Variants in ATF1 observed in about 807,000 individuals in gnomAD.
The protein encoded by ATF1 is activating transcription factor 1, also known as cyclic AMP-dependent transcription factor ATF-1.
A neutral mutation model predicts 34.7 loss-of-function variants in ATF1; 16 were observed. The observed-to-expected ratio is 0.46, with a 90% CI of 0.31 to 0.70. ATF1 has a LOEUF of 0.70. Among genes scored for constraint, ATF1 ranks in the 30% least tolerant of loss-of-function variants. The pLI, the probability that ATF1 is intolerant of heterozygous loss-of-function variation, is 0.05. For missense variants in ATF1, 255 were observed against 321.6 expected (o/e 0.79, Z 1.58); for synonymous variants, 105 against 113.1 (o/e 0.93, Z 0.46).
chr12:50,770,495 C>T lies in ATF1; in HGVS notation c.-7+6188C>T, dbSNP rs574529493. ...AGTTATAGGTATTTAAGGGTACAAA[C>T]CCATGTCAGGGCTTGGCTTTTAAAA... On this transcript the variant is annotated intron_variant, in intron 1 of 6. Coordinates refer to ENST00000262053, the MANE Select transcript of ATF1 (RefSeq NM_005171.5). 3.3e-4 allele frequency among the ~76,000 whole-genome samples: 50 copies of T among 152,192 alleles called. 1 individual carries two copies. The highest frequency in any genetic ancestry group is 6.0e-4 in the Non-Finnish European group (41 of 68,026).
At chr12:50,811,929 T>C (rs537685136) in intron 4 of ATF1, among the ~76,000 whole-genome samples, 2 of 152,322 alleles carry the variant, frequency 1.3e-5, no homozygotes, top group African/African-American at 2.4e-5. Flanking sequence ...TAGGGCAACA[T>C]AGGCCAATAG....
At chr12:50,771,407 C>T (rs542784702) in intron 1 of ATF1, among the ~76,000 whole-genome samples, 126 of 152,218 alleles carry the variant, frequency 8.3e-4, no homozygotes, top group African/African-American at 2.9e-3. Flanking sequence ...CAGATACCAC[C>T]TTTTGTTGAA....
At chr12:50,772,751 C>CTT (rs753474688) in intron 1 of ATF1, among the ~76,000 whole-genome samples, 3 of 151,132 alleles carry the variant, frequency 2.0e-5, no homozygotes, top group Non-Finnish European at 4.4e-5. Flanking sequence ...TGCGCCTAGC[C>CTT]TTTTTTTTTC....
At chr12:50,807,308 G>A (rs113384300) in intron 3 of ATF1, among the ~76,000 whole-genome samples, 2,028 of 152,164 alleles carry the variant, frequency 0.013, 43 homozygotes, top group African/African-American at 0.046. Context: ...GGGAGGCTGA[G>A]GCAGGAGGAT....
intron 3 of ATF1, among the ~76,000 whole-genome samples, chr12:50,796,852 A>G (rs754395745): frequency 1.8e-4 from 28 of 152,220 alleles, no homozygotes; most frequent in Non-Finnish European, 2.9e-4. Context: ...GACCTTGGCA[A>G]TGATTTTTTG....
At chr12:50,809,385 AAAAAAAAAAATTATT>A in intron 3 of ATF1, 56 bp from the exon 4 acceptor site, 3 of 1,299,240 alleles carry the variant, frequency 2.3e-6, no homozygotes, top group Non-Finnish European at 3.1e-6. Flanking sequence ...AAAAAAAAAA[AAAAAAAAAAATTATT>A]TTTGTGAAGT....
chr12:50,818,743 G>C (rs1181035951), intron 6 of ATF1, among the ~76,000 whole-genome samples: 1 of 152,140 alleles, frequency 6.6e-6, no homozygotes, highest in East Asian at 1.9e-4. Flanking sequence ...CCAAGTAGCT[G>C]GGATTACAGG....
chr12:50,795,874 C>G, intron 2 of ATF1, 35 bp from the exon 3 acceptor site: 1 of 1,509,050 alleles, frequency 6.6e-7, no homozygotes, highest in Non-Finnish European at 9.2e-7. Flanking sequence ...TTCCCACCTG[C>G]ATTGTTCATC....
chr12:50,768,883 A>G (rs1424719620), intron 1 of ATF1, among the ~76,000 whole-genome samples: 1 of 152,190 alleles, frequency 6.6e-6, no homozygotes, highest in Non-Finnish European at 1.5e-5. Context: ...ACCCTACCTT[A>G]AAGCCATTAG....
At position 50,814,192 on chromosome 12, in the gene ATF1, A is replaced by T. The variant is rs762599221; in HGVS notation, c.511A>T (p.Thr171Ser). Residue 171 changes from threonine to serine, a missense_variant and splice_region_variant, in exon 5 of 7, where the codon ACT (threonine) becomes TCT (serine). Around this residue, in one of 2 missense-constraint regions of ATF1, gnomAD observed 221 missense variants for 250.7 expected, o/e 0.88. Transcript: ENST00000262053. ...LVPSNQVVVQ[T>S]ASGDMQTYQI... Reference sequence around the variant, plus strand: ...GCCCAGCAATCAGGTGGTCGTACAAAGTAAGTATGCTTTCTGTCTACAGAA... The same window carrying T: ...GCCCAGCAATCAGGTGGTCGTACAATGTAAGTATGCTTTCTGTCTACAGAA... 1.9e-6 allele frequency: 3 copies of T among 1,613,900 alleles called. No individual in the cohort carries two copies. The South Asian group carries it at 3.3e-5, about 18-fold the overall frequency.
At chr12:50,810,738 A>AAAT (rs1216596871) in intron 4 of ATF1, among the ~76,000 whole-genome samples, 8 of 152,028 alleles carry the variant, frequency 5.3e-5, no homozygotes, top group Admixed American at 5.2e-4. Context: ...TCTTGCCACA[A>AAAT]AATATATGTC....
chr12:50,818,264 T>G (rs1288127226), intron 6 of ATF1, among the ~76,000 whole-genome samples: 1 of 151,874 alleles, frequency 6.6e-6, no homozygotes, highest in African/African-American at 2.4e-5. Context: ...AAAAATAAAA[T>G]TAGCTGGTGT....
At chr12:50,792,237 A>C (rs897501398) in intron 2 of ATF1, among the ~76,000 whole-genome samples, 3 of 152,180 alleles carry the variant, frequency 2.0e-5, no homozygotes, top group Admixed American at 6.6e-5. Flanking sequence ...TTGTACTCTC[A>C]ATCCCTAGTT....
intron 4 of ATF1, among the ~76,000 whole-genome samples, chr12:50,812,437 T>A (rs1253966611): frequency 3.9e-5 from 6 of 152,224 alleles, no homozygotes; most frequent in Admixed American, 3.9e-4. Flanking sequence ...CCTTTAATTT[T>A]ATTTATGTTG....
intron 2 of ATF1, among the ~76,000 whole-genome samples, chr12:50,780,768 C>G (rs778247609): frequency 1.4e-4 from 21 of 152,012 alleles, no homozygotes; most frequent in Non-Finnish European, 4.4e-5. Flanking sequence ...CAAGACTAGC[C>G]TGACCAACAT....
intron 3 of ATF1, among the ~76,000 whole-genome samples, chr12:50,802,073 A>G (rs1360575580): frequency 2.0e-5 from 3 of 152,370 alleles, no homozygotes; most frequent in African/African-American, 4.8e-5. Flanking sequence ...TAAGATCAAT[A>G]TAACAAAAAT....
At position 50,767,291 on chromosome 12, in the gene ATF1, G is replaced by C. The variant is rs553907823; in HGVS notation, c.-7+2984G>C. The stretch of plus-strand genomic sequence containing the variant: ...CCAGCACTTTGGGAGGCTGAGGCTG[G>C]TGGATCCCCTGAGGTCAGGAGTTTG... On this transcript the variant is annotated intron_variant, in intron 1 of 6. Transcript: ENST00000262053. Among the ~76,000 whole-genome samples, 28 of 151,954 alleles carry C rather than the reference G, an allele frequency of 1.8e-4. No individual in the cohort carries two copies. The East Asian group carries it at 5.4e-3, about 29-fold the overall frequency.
At chr12:50,778,256 T>C (rs1940975515) in intron 1 of ATF1, among the ~76,000 whole-genome samples, 1 of 126,026 alleles carries the variant, frequency 7.9e-6, no homozygotes, top group Admixed American at 9.2e-5. Context: ...AGACAGAGTC[T>C]CACTCTGTCA....
Position 50,773,889 on chromosome 12 carries a change from C to A in ATF1, c.-6-6251C>A, listed in dbSNP as rs149504158. Among the ~76,000 whole-genome samples, 1,242 of 152,082 alleles carry A rather than the reference C, an allele frequency of 8.2e-3. 22 individuals are homozygous for A. The highest frequency in any genetic ancestry group is 0.028 in the African/African-American group (1,176 of 41,478). Reference sequence around the variant, plus strand: ...ACAGGTGTGAGTCACCATGCCAGGCCGGTAATCGCCATTTGACTGACGTGA... The same window carrying A: ...ACAGGTGTGAGTCACCATGCCAGGCAGGTAATCGCCATTTGACTGACGTGA... On this transcript the variant is annotated intron_variant, in intron 1 of 6. Transcript: ENST00000262053.
Sources: gnomAD v4.1 joint callset for allele counts (sites outside exome capture counted in the v4.1 genomes callset) on GRCh38, gnomAD v4.1.1 for gene constraint, gnomAD v4.1.1 regional missense constraint, MANE v1.5 for transcripts, NCBI Gene and HGNC (gene_info 2026-07-23, HGNC 2026-07-21) for gene names.